Variants in FLT4 observed in about 807,000 individuals in gnomAD.
FLT4 encodes the protein vascular endothelial growth factor receptor 3.
A neutral mutation model predicts 163.2 loss-of-function variants in FLT4; 30 were observed. The ratio of observed to expected loss-of-function variants is 0.18; its 90% CI spans 0.14 to 0.25. FLT4 has a LOEUF of 0.25. FLT4 is among the 10% of genes least tolerant of loss of function. The probability of loss-of-function intolerance (pLI) is 1.00; values close to 1 mark genes in which losing one functional copy is unlikely to be tolerated. For missense variants in FLT4, 1,510 were observed against 1,863.8 expected (o/e 0.81, Z 3.50); for synonymous variants, 884 against 789.5 (o/e 1.12, Z -2.01).
rs1426017403 is a variant in FLT4 at position 180,612,519 on chromosome 5, C to T, written c.3524G>A (p.Gly1175Asp). 3 of 1,612,776 alleles carry T rather than the reference C, an allele frequency of 1.9e-6. No homozygotes were observed. The East Asian group carries it at 6.7e-5, about 36-fold the overall frequency. Reference protein sequence around the residue: ...LVEILGDLLQGRGLQEEEEVC... With the variant: ...LVEILGDLLQDRGLQEEEEVC... ...GAAGGGGCTCACTTGCAGGCCCCTG[C>T]CCTGGAGCAGGTCCCCCAGGATCTC... The change falls in exon 26 of 30, where the codon GGC becomes GAC. Residue 1175 changes from glycine to aspartate, a missense_variant. Gly to Asp is a moderately conservative substitution (Grantham distance 94). This residue lies in a region of FLT4 where 295 missense variants were observed against 311.0 expected (regional missense o/e 0.95). Transcript: ENST00000261937.
chr5:180,629,845 C>T lies in FLT4; in HGVS notation c.677-10G>A, dbSNP rs200429692. The T allele has an allele frequency of 1.1e-5, 17 of 1,612,540 alleles. No individual in the cohort carries two copies. Among genetic ancestry groups the T allele is most frequent in the East Asian group, 2.2e-5 (1 of 44,830 alleles). On this transcript the variant is annotated splice_polypyrimidine_tract_variant and intron_variant, in intron 5 of 29. Coordinates refer to ENST00000261937, the MANE Select transcript of FLT4 (RefSeq NM_182925.5). ...TCATAGAGCTCGTTGCCTGTTGACA[C>T]GCACACAGTGACTCCCACGCCCTCA...
At chr5:180,611,094 T>C (rs1044199912) in intron 27 of FLT4, among the ~76,000 whole-genome samples, 1 of 151,998 alleles carries the variant, frequency 6.6e-6, no homozygotes, top group Non-Finnish European at 1.5e-5. Context: ...ACCCTTGATG[T>C]TGGGGTGAGG....
At chr5:180,622,282 ATCTACATCTCTCTGCTGGTGC>A (rs1441461008) in intron 12 of FLT4, among the ~76,000 whole-genome samples, 200 of 125,680 alleles carry the variant, frequency 1.6e-3, no homozygotes, top group Non-Finnish European at 2.1e-3. Context: ...TGGTGCCCTG[ATCTACATCTCTCTGCTGGTGC>A]CCTGATCTAC....
At position 180,602,624 on chromosome 5, in the gene FLT4, G is replaced by C. The variant is rs1352368209; in HGVS notation, c.*568C>G. ...CACCCCAGGGGCTAGTTGGCTGTTT[G>C]GTCAGGCCCAGAAGAGGACCCTGCA... On this transcript the variant is annotated 3_prime_UTR_variant, in exon 30 of 30. Coordinates refer to ENST00000261937, the MANE Select transcript of FLT4 (RefSeq NM_182925.5). 17 of 405,964 alleles carry C rather than the reference G, an allele frequency of 4.2e-5. No homozygotes were observed. Among genetic ancestry groups the C allele is most frequent in the Non-Finnish European group, 6.1e-5 (14 of 229,930 alleles). The allele number at this position is 405,964 out of a possible 1,614,324, so 25.1% of individuals were successfully genotyped here.
intron 17 of FLT4, 36 bp from the exon 18 acceptor site, chr5:180,619,805 A>ACGGGGTGAG: frequency 6.6e-7 from 1 of 1,519,740 alleles, no homozygotes; most frequent in Non-Finnish European, 9.1e-7. Flanking sequence ...GGTGAGCTGT[A>ACGGGGTGAG]CGGGGTGAGC....
chr5:180,637,258 A>C (rs1764756886), intron 1 of FLT4, among the ~76,000 whole-genome samples: 1 of 149,626 alleles, frequency 6.7e-6, no homozygotes, highest in African/African-American at 2.5e-5. Flanking sequence ...TGAACCTGGG[A>C]GGCAGAGGTT....
In FLT4 at chr5:180,616,488, C is replaced by T; in HGVS notation, c.3098G>A (p.Cys1033Tyr). 6.2e-7 allele frequency: 1 copy of T among 1,613,692 alleles called. No individual in the cohort carries two copies. The highest frequency in any genetic ancestry group is 8.5e-7 in the Non-Finnish European group (1 of 1,179,958). The change falls in exon 23 of 30, where the codon TGC (cysteine) becomes TAC (tyrosine). Residue 1033 changes from cysteine to tyrosine, a missense_variant and splice_region_variant. Cys to Tyr is a radical substitution (Grantham distance 194). This residue lies in a region of FLT4 where 878 missense variants were observed against 1,016.7 expected (regional missense o/e 0.86). Coordinates refer to ENST00000261937, the MANE Select transcript of FLT4 (RefSeq NM_182925.5). Reference protein sequence around the residue: ...RGMEFLASRKCIHRDLAARNI... With the variant: ...RGMEFLASRKYIHRDLAARNI... Reference sequence around the variant, plus strand: ...CCGAGCAGCCAGGTCTCTGTGGATGCACTGGGGTGCGGGGAGGCGGCAGGG... The same window carrying T: ...CCGAGCAGCCAGGTCTCTGTGGATGTACTGGGGTGCGGGGAGGCGGCAGGG...
At chr5:180,627,638 G>GC (rs1441921712) in intron 8 of FLT4, among the ~76,000 whole-genome samples, 3 of 152,230 alleles carry the variant, frequency 2.0e-5, no homozygotes, top group African/African-American at 7.2e-5. Flanking sequence ...GTGGGTGGCT[G>GC]CCATAGGAAG....
intron 24 of FLT4, chr5:180,613,728 T>C (rs1194680900): frequency 4.8e-6 from 2 of 419,810 alleles, no homozygotes; most frequent in East Asian, 4.9e-5. Context: ...CAGCGGGGCC[T>C]GAGTTCCCAC....
At chr5:180,621,393 C>T (rs995319234) in intron 13 of FLT4, 141 bp from the exon 14 acceptor site, 19 of 1,418,578 alleles carry the variant, frequency 1.3e-5, no homozygotes, top group East Asian at 1.2e-4. Flanking sequence ...GGCGCGCCTC[C>T]GCAGGGGGCG....
rs758550504 is a variant in FLT4, at chr5:180,629,802, C to G, written c.710G>C (p.Arg237Thr). The change falls in exon 6 of 30, where the codon AGG becomes ACG. Residue 237 changes from arginine to threonine, a missense_variant. By Grantham distance (71) the Arg-to-Thr change is moderately conservative (BLOSUM62 -1). Coordinates refer to ENST00000261937, the MANE Select transcript of FLT4 (RefSeq NM_182925.5). ...NELYDIQLLP[R>T]KSLELLVGEK... ...CCCTACCAGCAGCTCCAGCGACTTC[C>G]TGGGCAACAGCTGGATGTCATAGAG... The G allele has an allele frequency of 6.2e-7, 1 of 1,612,454 alleles. No individual in the cohort carries two copies. Among genetic ancestry groups the G allele is most frequent in the Non-Finnish European group, 8.5e-7 (1 of 1,179,888 alleles).
intron 1 of FLT4, among the ~76,000 whole-genome samples, chr5:180,632,060 C>T (rs1764216604): frequency 6.6e-6 from 1 of 152,184 alleles, no homozygotes; most frequent in South Asian, 2.1e-4. Flanking sequence ...ACCCCAACCT[C>T]TGACCCCGGT....
At position 180,632,685 on chromosome 5, in the gene FLT4, A is replaced by G. The variant is rs1009184126; in HGVS notation, c.59-907T>C. The stretch of plus-strand genomic sequence containing the variant: ...CTGTAACTGTAGGCCTGGGTGTGTG[A>G]GTCTGTGTGTGCCTATGTCTGAGTG... On this transcript the variant is annotated intron_variant, in intron 1 of 29. Coordinates refer to ENST00000261937, the MANE Select transcript of FLT4 (RefSeq NM_182925.5). Among the ~76,000 whole-genome samples, 7 of 151,484 alleles carry G rather than the reference A, an allele frequency of 4.6e-5. No individual in the cohort carries two copies. The South Asian group carries it at 1.0e-3, about 23-fold the overall frequency.
Position 180,620,131 on chromosome 5 carries a change from C to T in FLT4, c.2542+42G>A, listed in dbSNP as rs1763011214. 4 of 1,584,660 alleles carry T rather than the reference C, an allele frequency of 2.5e-6. No individual in the cohort carries two copies. Among genetic ancestry groups the T allele is most frequent in the Non-Finnish European group, 3.4e-6 (4 of 1,168,720 alleles). ...GCACTCCGGCCTGCAGCAGGTGGGTCGGGCAGGAGGTGTGGGTTGGGCAGG... is the reference window on the plus strand; with the variant it reads ...GCACTCCGGCCTGCAGCAGGTGGGTTGGGCAGGAGGTGTGGGTTGGGCAGG... On this transcript the variant is annotated intron_variant, in intron 17 of 29. Transcript: ENST00000261937. The surrounding 1 kb of genome is among the most constrained non-coding windows in gnomAD (Gnocchi z 4.4).
At chr5:180,633,789 C>T (rs1764349853) in intron 1 of FLT4, among the ~76,000 whole-genome samples, 1 of 152,256 alleles carries the variant, frequency 6.6e-6, no homozygotes, top group Admixed American at 6.5e-5. Context: ...GGGGCTAGAC[C>T]CGTCCGGATG....
At position 180,612,607 on chromosome 5, in the gene FLT4, G is replaced by A. The variant is rs774089319; in HGVS notation, c.3436C>T (p.Arg1146Cys). ...APELATPAIR[R>C]IMLNCWSGDP... ...CCGGACCAGCAGTTCAGCATGATGC[G>A]GCGTCTGCAGGATCACGTGGGCTGC... Residue 1146 changes from arginine to cysteine, a missense_variant, in exon 26 of 30, where the codon CGC becomes TGC. By Grantham distance (180) the Arg-to-Cys change is radical (BLOSUM62 -3). Coordinates refer to ENST00000261937, the MANE Select transcript of FLT4 (RefSeq NM_182925.5). 45 of 1,611,444 alleles carry A rather than the reference G, an allele frequency of 2.8e-5. No individual in the cohort carries two copies. Among genetic ancestry groups the A allele is most frequent in the Admixed American group, 5.0e-5 (3 of 59,988 alleles).
chr5:180,621,448 T>C, intron 13 of FLT4, 94 bp downstream of exon 13: 1 of 1,543,730 alleles, frequency 6.5e-7, no homozygotes, highest in Non-Finnish European at 8.7e-7. Context: ...GGGCTGTGAA[T>C]AGACCTCCCA....
chr5:180,605,269 ATCTTT>A (rs1761728503), intron 29 of FLT4, among the ~76,000 whole-genome samples: 2 of 152,264 alleles, frequency 1.3e-5, no homozygotes, highest in Non-Finnish European at 2.9e-5. Context: ...GGCCGAATCT[ATCTTT>A]TATTTCGATT....
Position 180,630,844 on chromosome 5 carries a change from TG to T in FLT4, c.156-46del, listed in dbSNP as rs1561741046. On this transcript the variant is annotated intron_variant, in intron 2 of 29. Coordinates refer to ENST00000261937, the MANE Select transcript of FLT4 (RefSeq NM_182925.5). The surrounding 1 kb of genome is among the most constrained non-coding windows in gnomAD (Gnocchi z 6.3). ...GTCAGGTGGGCCCCAGGGCAGCCCA[TG>T]GGGACTGTCCCTGAGAAGCCTCCCT... 7.0e-6 allele frequency: 11 copies of T among 1,565,240 alleles called. No individual in the cohort carries two copies. The highest frequency in any genetic ancestry group is 1.3e-5 in the African/African-American group (1 of 74,188).
Sources: allele counts gnomAD v4.1 joint callset (sites outside exome capture counted in the v4.1 genomes callset), GRCh38; gene constraint gnomAD v4.1.1; regional missense constraint gnomAD v4.1.1; non-coding constraint Gnocchi (gnomAD v3.1); transcripts MANE v1.5; gene names NCBI Gene and HGNC (gene_info 2026-07-23, HGNC 2026-07-21).